The following SORCS2 variants were observed in gnomAD, a reference collection of about 807,000 sequenced individuals.
The protein encoded by SORCS2 is sortilin related VPS10 domain containing receptor 2.
A neutral mutation model predicts 141.6 loss-of-function variants in SORCS2; 100 were observed. The observed-to-expected ratio is 0.71, with a 90% confidence interval of 0.60 to 0.83. The LOEUF is 0.83. Among genes scored for constraint, SORCS2 ranks in the 40% least tolerant of loss-of-function variants. The probability of loss-of-function intolerance (pLI) is 0.00; values close to 1 mark genes in which losing one functional copy is unlikely to be tolerated. For synonymous variants in SORCS2, 789 were observed against 676.9 expected (o/e 1.17, Z -2.57); for missense variants, 1,646 against 1,560.2 (o/e 1.05, Z -0.93).
intron 1 of SORCS2, among the ~76,000 whole-genome samples, chr4:7,256,061 C>T (rs568871588): frequency 1.5e-3 from 231 of 152,276 alleles, no homozygotes; most frequent in South Asian, 4.6e-3. Flanking sequence ...CTGGGCAGGT[C>T]GTGCTGTCTC....
At chr4:7,583,056 C>G (rs1275311099) in intron 3 of SORCS2, among the ~76,000 whole-genome samples, 1 of 152,180 alleles carries the variant, frequency 6.6e-6, no homozygotes, top group African/African-American at 2.4e-5. Flanking sequence ...AGGACTTTGG[C>G]AAACGGGCTG....
chr4:7,314,078 G>A (rs1054812350), intron 1 of SORCS2, among the ~76,000 whole-genome samples: 6 of 152,204 alleles, frequency 3.9e-5, no homozygotes, highest in Admixed American at 2.6e-4. Flanking sequence ...TCCCCAACCC[G>A]TGGTGCTTCC....
At chr4:7,447,523 T>G (rs1728075201) in intron 2 of SORCS2, among the ~76,000 whole-genome samples, 2 of 152,314 alleles carry the variant, frequency 1.3e-5, no homozygotes, top group African/African-American at 4.8e-5. Context: ...ACTTGGATCA[T>G]AGTAGATCCA....
At chr4:7,387,421 G>A (rs1294587020) in intron 1 of SORCS2, among the ~76,000 whole-genome samples, 20 of 68,496 alleles carry the variant, frequency 2.9e-4, no homozygotes, top group Non-Finnish European at 3.1e-4. Flanking sequence ...ATACACACAT[G>A]CACACACACA....
At chr4:7,359,449 C>T (rs1172549115) in intron 1 of SORCS2, among the ~76,000 whole-genome samples, 1 of 152,200 alleles carries the variant, frequency 6.6e-6, no homozygotes, top group East Asian at 1.9e-4. Context: ...AATTTATTTT[C>T]AGGAAAAGGC....
rs763303181 is a variant in SORCS2, at chr4:7,434,285, G to A, written c.548+37930G>A. The A allele has an allele frequency of 1.9e-5, 30 of 1,612,750 alleles. No individual in the cohort carries two copies. In the East Asian group the frequency reaches 2.5e-4, roughly 13 times the overall value. ...AAGTCGGCCAAGGTCAAGTTGGACC[G>A]GACAGCCTCCTGGAGTCGGGAGACC... On this transcript the variant is annotated intron_variant, in intron 2 of 26. Coordinates refer to ENST00000507866, the MANE Select transcript of SORCS2 (RefSeq NM_020777.3).
At chr4:7,569,454 G>A (rs1306046369) in intron 3 of SORCS2, among the ~76,000 whole-genome samples, 1 of 152,200 alleles carries the variant, frequency 6.6e-6, no homozygotes, top group Admixed American at 6.5e-5. Flanking sequence ...GGAGGTTGCG[G>A]TGAGCTGAGA....
intron 1 of SORCS2, among the ~76,000 whole-genome samples, chr4:7,243,965 G>A (rs1209248632): frequency 6.6e-6 from 1 of 152,236 alleles, no homozygotes; most frequent in Admixed American, 6.5e-5. Context: ...GGTGGACCGG[G>A]AGGGCCATGG....
chr4:7,727,096 G>A (rs1727275103), intron 21 of SORCS2, among the ~76,000 whole-genome samples, 193 bp downstream of exon 21: 1 of 152,168 alleles, frequency 6.6e-6, no homozygotes, highest in African/African-American at 2.4e-5. Flanking sequence ...GGTCTCTCTG[G>A]CCTCAGTTTC....
chr4:7,706,080 T>TGTCTGGGCAGGGATGAGGCTGAGCTCC (rs1725425215), intron 14 of SORCS2, among the ~76,000 whole-genome samples: 1 of 64,710 alleles, frequency 1.5e-5, no homozygotes, highest in African/African-American at 5.1e-5. Flanking sequence ...GGCTGGGCTC[T>TGTCTGGGCAGGGATGAGGCTGAGCTCC]GCCTGGACAG....
rs140014068 is a variant in SORCS2 at position 7,376,744 on chromosome 4, G to A, written c.481-19544G>A. On this transcript the variant is annotated intron_variant, in intron 1 of 26. Transcript: ENST00000507866. ...AGGTATGCCTGAATAAACTTTTTAC[G>A]ACTTACAAAGAAGGGATCGTGACCA... Among the ~76,000 whole-genome samples the A allele has an allele frequency of 3.5e-3, 536 of 152,170 alleles. 2 individuals are homozygous for A. Among genetic ancestry groups the A allele is most frequent in the Non-Finnish European group, 5.1e-3 (347 of 68,008 alleles).
chr4:7,684,573 T>G (rs2108972509), intron 10 of SORCS2, among the ~76,000 whole-genome samples: 1 of 152,324 alleles, frequency 6.6e-6, no homozygotes, highest in South Asian at 2.1e-4. Context: ...TCTTAGAGAC[T>G]GCACCCTGGG....
intron 2 of SORCS2, among the ~76,000 whole-genome samples, chr4:7,409,937 A>G (rs866964156): frequency 1.3e-5 from 2 of 152,148 alleles, no homozygotes; most frequent in African/African-American, 2.4e-5. Context: ...CTTTTAATGT[A>G]TAGAATTTTA....
intron 2 of SORCS2, among the ~76,000 whole-genome samples, chr4:7,528,511 C>T (rs545664749): frequency 2.6e-5 from 4 of 152,208 alleles, no homozygotes; most frequent in Non-Finnish European, 5.9e-5. Flanking sequence ...CTGCAACCTC[C>T]ACCTCCTGGG....
intron 2 of SORCS2, among the ~76,000 whole-genome samples, chr4:7,486,129 C>G (rs149224815): frequency 2.6e-5 from 4 of 152,272 alleles, no homozygotes; most frequent in African/African-American, 9.6e-5. Context: ...TGGAGCCCCT[C>G]GTGCGCGTGA....
intron 1 of SORCS2, among the ~76,000 whole-genome samples, chr4:7,269,784 A>G (rs1053639002): frequency 6.6e-6 from 1 of 152,248 alleles, no homozygotes; most frequent in South Asian, 2.1e-4. Context: ...TCTGGTGCCC[A>G]GAACTGTGAT....
At chr4:7,487,245 T>A (rs1322284395) in intron 2 of SORCS2, among the ~76,000 whole-genome samples, 1 of 152,220 alleles carries the variant, frequency 6.6e-6, no homozygotes, top group African/African-American at 2.4e-5. Context: ...ATGGAAGCCT[T>A]CTCTGGGTAA....
intron 2 of SORCS2, among the ~76,000 whole-genome samples, chr4:7,509,557 C>A (rs930271718): frequency 6.6e-6 from 1 of 152,208 alleles, no homozygotes; most frequent in Non-Finnish European, 1.5e-5. Context: ...CTGCGGTCGA[C>A]GCTGGGGCCT....
At chr4:7,699,981 C>G (rs1724957631) in intron 12 of SORCS2, among the ~76,000 whole-genome samples, 1 of 152,184 alleles carries the variant, frequency 6.6e-6, no homozygotes, top group Non-Finnish European at 1.5e-5. Flanking sequence ...TTGTGACTCC[C>G]CAATCAAGCC....
Sources: allele counts gnomAD v4.1 joint callset (sites outside exome capture counted in the v4.1 genomes callset), GRCh38; gene constraint gnomAD v4.1.1; transcripts MANE v1.5; gene names NCBI Gene and HGNC (gene_info 2026-07-23, HGNC 2026-07-21).